The following ZNRF1 variants were observed in gnomAD, a reference collection of about 807,000 sequenced individuals.
ZNRF1 encodes the protein zinc and ring finger 1.
In ZNRF1, 3 loss-of-function variants were observed where a neutral mutation model predicts 18.4. The ratio of observed to expected loss-of-function variants is 0.16; its 90% confidence interval spans 0.07 to 0.42. ZNRF1 has a LOEUF of 0.42. Among genes scored for constraint, ZNRF1 ranks in the 10% least tolerant of loss-of-function variants. ZNRF1 has a pLI of 0.99. For missense variants in ZNRF1, 310 were observed against 329.8 expected (o/e 0.94, Z 0.47); for synonymous variants, 157 against 144.2 (o/e 1.09, Z -0.64).
intron 1 of ZNRF1, among the ~76,000 whole-genome samples, chr16:75,054,998 C>A (rs916686053): frequency 6.6e-6 from 1 of 152,216 alleles, no homozygotes; most frequent in African/African-American, 2.4e-5. Flanking sequence ...GAAACTGTTA[C>A]TGTGATCATA....
At chr16:75,002,737 C>T (rs1362842216) in intron 1 of ZNRF1, among the ~76,000 whole-genome samples, 1 of 152,170 alleles carries the variant, frequency 6.6e-6, no homozygotes, top group Non-Finnish European at 1.5e-5. Context: ...AGCCTTGCTC[C>T]GCAAATCCCG....
chr16:75,064,928 C>T (rs1597890409), intron 1 of ZNRF1, among the ~76,000 whole-genome samples: 1 of 152,338 alleles, frequency 6.6e-6, no homozygotes, highest in East Asian at 1.9e-4. Context: ...TCCTTTGCCC[C>T]TCACAGGGCC....
intron 2 of ZNRF1, chr16:75,095,809 T>C (rs112490472): frequency 7.2e-7 from 1 of 1,394,826 alleles, no homozygotes; most frequent in African/African-American, 2.0e-5. Flanking sequence ...TGTGTCCCCC[T>C]GTCCCCCTCT....
At chr16:75,032,432 C>T (rs1254494786) in intron 1 of ZNRF1, among the ~76,000 whole-genome samples, 1 of 151,850 alleles carries the variant, frequency 6.6e-6, no homozygotes, top group Non-Finnish European at 1.5e-5. Flanking sequence ...ATTGGGTCTT[C>T]ATATATAGTC....
chr16:75,086,988 C>T (rs893327384), intron 1 of ZNRF1, among the ~76,000 whole-genome samples: 4 of 152,142 alleles, frequency 2.6e-5, no homozygotes, highest in African/African-American at 7.2e-5. Context: ...TGGAGCAACA[C>T]GCCGCCAGCA....
chr16:75,094,666 A>C (rs183103781), intron 2 of ZNRF1, among the ~76,000 whole-genome samples: 70 of 152,302 alleles, frequency 4.6e-4, no homozygotes, highest in Non-Finnish European at 7.2e-4. Flanking sequence ...GCCATGAAAG[A>C]TGTGAGACCT....
intron 1 of ZNRF1, among the ~76,000 whole-genome samples, chr16:75,077,218 C>G (rs1057242274): frequency 6.6e-6 from 1 of 152,178 alleles, no homozygotes; most frequent in Non-Finnish European, 1.5e-5. Context: ...TGGTGAAACC[C>G]CATCTGTACT....
intron 1 of ZNRF1, among the ~76,000 whole-genome samples, chr16:75,025,297 T>C (rs1370896823): frequency 6.6e-6 from 1 of 152,148 alleles, no homozygotes; most frequent in Non-Finnish European, 1.5e-5. Flanking sequence ...CTCGATCTCC[T>C]GACCTTGTGA....
intron 1 of ZNRF1, chr16:75,000,417 TG>T (rs755287633): frequency 1.1e-5 from 6 of 528,632 alleles, no homozygotes; most frequent in African/African-American, 3.8e-5. Flanking sequence ...CAAGTCAGCC[TG>T]GGTACTTCCA....
At chr16:75,051,056 C>T (rs957677726) in intron 1 of ZNRF1, among the ~76,000 whole-genome samples, 2 of 133,904 alleles carry the variant, frequency 1.5e-5, no homozygotes, top group South Asian at 2.4e-4. Flanking sequence ...AAAACAAAAC[C>T]TGGGTGTCGT....
At chr16:75,000,194 G>T (rs1274638729) in intron 1 of ZNRF1, 99 bp downstream of exon 1, 2 of 1,472,832 alleles carry the variant, frequency 1.4e-6, no homozygotes, top group Non-Finnish European at 1.8e-6. Context: ...TGCACGACCG[G>T]GATCTGTCTG....
chr16:75,002,265 G>C (rs1037870092), intron 1 of ZNRF1: 5 of 152,168 alleles, frequency 3.3e-5, no homozygotes, highest in Admixed American at 6.5e-5. Flanking sequence ...GTGCAGCATT[G>C]GTTCCATCTC....
chr16:74,999,046 G>C lies in ZNRF1; in HGVS notation c.-626G>C, dbSNP rs1002131399. On this transcript the variant is annotated 5_prime_UTR_variant, in exon 1 of 5. Transcript: ENST00000335325. The stretch of plus-strand genomic sequence containing the variant: ...TCCATTGTCTCCACGGCGGCGAGGA[G>C]CGCCGGCGAGCGCAGCCCGGGACCG... 1.3e-5 allele frequency: 2 copies of C among 150,618 alleles called. No homozygotes were observed. Among genetic ancestry groups the C allele is most frequent in the Non-Finnish European group, 3.0e-5 (2 of 67,552 alleles). The allele number at this position is 150,618 out of a possible 1,614,324, so 9.3% of individuals were successfully genotyped here. A position where few individuals can be genotyped will look rare whatever the true frequency, so the allele number is the denominator to read the frequency against.
chr16:75,054,085 A>G (rs181879634), intron 1 of ZNRF1, among the ~76,000 whole-genome samples: 13 of 152,298 alleles, frequency 8.5e-5, no homozygotes, highest in Admixed American at 8.5e-4. Flanking sequence ...TACTCCCCCA[A>G]GGCCCTAAGC....
chr16:75,032,620 G>C (rs542419379), intron 1 of ZNRF1, among the ~76,000 whole-genome samples: 1 of 152,252 alleles, frequency 6.6e-6, no homozygotes, highest in South Asian at 2.1e-4. Context: ...ACAAGTTACA[G>C]AATGGGAGAA....
At position 75,104,784 on chromosome 16, in the gene ZNRF1, A is replaced by T; in HGVS notation, c.521A>T (p.Asp174Val). 1 of 1,601,650 alleles carries T rather than the reference A, an allele frequency of 6.2e-7. No homozygotes were observed. Among genetic ancestry groups the T allele is most frequent in the Non-Finnish European group, 8.5e-7 (1 of 1,175,022 alleles). ...GCACTCTCCCCTGTCCCCCTTGCAG[A>T]TGATGTGCTGACTAAAGACGCGGGT... is the stretch of plus-strand genomic sequence containing the variant. ...CLSKPRLSYNDDVLTKDAGEC... is the reference protein window; with the variant it reads ...CLSKPRLSYNVDVLTKDAGEC... The change falls in exon 3 of 5, where the codon GAT becomes GTT. Residue 174 changes from aspartate to valine, a missense_variant and splice_region_variant. Coordinates refer to ENST00000335325, the MANE Select transcript of ZNRF1 (RefSeq NM_032268.5).
At chr16:75,056,984 G>A (rs932859201) in intron 1 of ZNRF1, among the ~76,000 whole-genome samples, 2 of 152,228 alleles carry the variant, frequency 1.3e-5, no homozygotes, top group East Asian at 3.9e-4. Context: ...GATGCATTCA[G>A]GCCTGTGGCA....
intron 1 of ZNRF1, among the ~76,000 whole-genome samples, chr16:75,026,974 G>A (rs1420067594): frequency 6.6e-6 from 1 of 151,822 alleles, no homozygotes; most frequent in East Asian, 1.9e-4. Context: ...TAAGTGCCCG[G>A]CACAGTTCTA....
chr16:75,009,499 T>A (rs2034967203), intron 1 of ZNRF1, among the ~76,000 whole-genome samples: 1 of 152,238 alleles, frequency 6.6e-6, no homozygotes, highest in Non-Finnish European at 1.5e-5. Flanking sequence ...CCATTGTCTG[T>A]CTACCACGTT....
Sources: gnomAD v4.1 joint callset for allele counts (sites outside exome capture counted in the v4.1 genomes callset) on GRCh38, gnomAD v4.1.1 for gene constraint, MANE v1.5 for transcripts, NCBI Gene and HGNC (gene_info 2026-07-23, HGNC 2026-07-21) for gene names.